EPHA6: variants seen among roughly 807,000 people sequenced by gnomAD.
EPHA6 encodes EPH receptor A6.
EPHA6 carries 50 observed loss-of-function variants against 112.0 expected under a neutral mutation model. That is an observed-to-expected ratio of 0.45 (90% CI 0.36 to 0.56). The LOEUF is 0.56. Among genes scored for constraint, EPHA6 ranks in the 20% least tolerant of loss-of-function variants. EPHA6 has a pLI of 0.00. For missense variants in EPHA6, 1,280 were observed against 1,417.4 expected (o/e 0.90, Z 1.56); for synonymous variants, 529 against 490.7 (o/e 1.08, Z -1.03).
intron 7 of EPHA6, among the ~76,000 whole-genome samples, chr3:97,449,892 C>G (rs2090467440): frequency 6.6e-6 from 1 of 152,044 alleles, no homozygotes; most frequent in South Asian, 2.1e-4. Flanking sequence ...GATTCTATGA[C>G]AGAAGGAATA....
At chr3:97,330,414 G>A (rs1045506821) in intron 5 of EPHA6, among the ~76,000 whole-genome samples, 1 of 152,070 alleles carries the variant, frequency 6.6e-6, no homozygotes, top group African/African-American at 2.4e-5. Flanking sequence ...TGGGCAATAT[G>A]GCCATTTTCA....
chr3:97,094,194 A>G (rs992715830), intron 3 of EPHA6, among the ~76,000 whole-genome samples: 8 of 152,104 alleles, frequency 5.3e-5, no homozygotes, highest in Admixed American at 6.6e-5. Flanking sequence ...TGTTATGTTG[A>G]TTATGTTATG....
At chr3:97,153,084 T>A (rs1023250210) in intron 3 of EPHA6, among the ~76,000 whole-genome samples, 1 of 152,060 alleles carries the variant, frequency 6.6e-6, no homozygotes, top group African/African-American at 2.4e-5. Flanking sequence ...AACTCCAGCA[T>A]ACAAAAAGAA....
At chr3:96,847,638 T>A (rs1256563524) in intron 1 of EPHA6, among the ~76,000 whole-genome samples, 1 of 152,154 alleles carries the variant, frequency 6.6e-6, no homozygotes, top group Admixed American at 6.6e-5. Flanking sequence ...TCTAGGGTTG[T>A]AATCTTTAAG....
intron 3 of EPHA6, among the ~76,000 whole-genome samples, chr3:97,120,947 A>G (rs970400850): frequency 7.2e-5 from 11 of 152,054 alleles, no homozygotes; most frequent in African/African-American, 2.7e-4. Flanking sequence ...ATATTAGATG[A>G]CAAATACTTC....
chr3:97,630,363 T>G (rs2093892561), intron 13 of EPHA6, among the ~76,000 whole-genome samples: 1 of 152,024 alleles, frequency 6.6e-6, no homozygotes, highest in Non-Finnish European at 1.5e-5. Flanking sequence ...AGGAGATAGT[T>G]ACTTATTTAT....
intron 6 of EPHA6, among the ~76,000 whole-genome samples, chr3:97,434,700 A>G (rs76980258): frequency 0.12 from 18,753 of 152,078 alleles, 3,708 homozygotes; most frequent in African/African-American, 0.41. Context: ...ATTCATAAAT[A>G]TTGTATCTCT....
At chr3:97,110,987 T>G (rs1321575614) in intron 3 of EPHA6, among the ~76,000 whole-genome samples, 1 of 152,162 alleles carries the variant, frequency 6.6e-6, no homozygotes, top group East Asian at 1.9e-4. Context: ...TATATCCTAG[T>G]GAAAGGCAAT....
At position 97,526,489 on chromosome 3, in the gene EPHA6, G is replaced by A. The variant is rs867981954; in HGVS notation, c.2201-5869G>A. Among the ~76,000 whole-genome samples, 506 of 152,256 alleles carry A rather than the reference G, an allele frequency of 3.3e-3. 3 individuals carry two copies. Among genetic ancestry groups the A allele is most frequent in the African/African-American group, 0.012 (481 of 41,562 alleles). On this transcript the variant is annotated intron_variant, in intron 10 of 17. Coordinates refer to ENST00000389672, the MANE Select transcript of EPHA6 (RefSeq NM_001080448.3). ...AAGCCTGACCCAGTGGCAGTGGGGGGGTGAGAACCCCAATAGATCCCTATG... is the reference window on the plus strand; with the variant it reads ...AAGCCTGACCCAGTGGCAGTGGGGGAGTGAGAACCCCAATAGATCCCTATG...
intron 14 of EPHA6, among the ~76,000 whole-genome samples, chr3:97,638,860 G>T (rs571054501): frequency 6.6e-6 from 1 of 152,002 alleles, no homozygotes; most frequent in Non-Finnish European, 1.5e-5. Context: ...CAGTTTCAAT[G>T]AAAAATAAGT....
Position 96,962,763 on chromosome 3 carries a change from G to A in EPHA6, c.451-24567G>A, listed in dbSNP as rs184123383. On this transcript the variant is annotated intron_variant, in intron 2 of 17. Transcript: ENST00000389672. Reference sequence around the variant, plus strand: ...CATACTTGTTTATTCACCTCTAAGTGCCCTTTGAATCCCATTTAGTAATTC... The same window carrying A: ...CATACTTGTTTATTCACCTCTAAGTACCCTTTGAATCCCATTTAGTAATTC... Among the ~76,000 whole-genome samples the A allele has an allele frequency of 1.7e-4, 26 of 151,826 alleles. No individual in the cohort carries two copies. In the Middle Eastern group the frequency reaches 0.01, roughly 60 times the overall value.
intron 11 of EPHA6, among the ~76,000 whole-genome samples, chr3:97,567,825 G>C (rs1253885662): frequency 6.6e-6 from 1 of 152,108 alleles, no homozygotes; most frequent in Non-Finnish European, 1.5e-5. Context: ...GCTATGCAAG[G>C]CCTCCTGGGA....
At chr3:97,022,987 C>A (rs1016451448) in intron 3 of EPHA6, among the ~76,000 whole-genome samples, 1 of 152,064 alleles carries the variant, frequency 6.6e-6, no homozygotes, top group African/African-American at 2.4e-5. Context: ...AGTTAATTAC[C>A]AGAATTCCTT....
intron 5 of EPHA6, among the ~76,000 whole-genome samples, chr3:97,339,507 TAAC>T (rs2083207474): frequency 6.6e-6 from 1 of 152,208 alleles, no homozygotes; most frequent in Non-Finnish European, 1.5e-5. Flanking sequence ...TGAAGTATTT[TAAC>T]AACGTGGGCT....
At chr3:97,704,172 G>A (rs2033551850) in intron 14 of EPHA6, among the ~76,000 whole-genome samples, 1 of 152,144 alleles carries the variant, frequency 6.6e-6, no homozygotes, top group South Asian at 2.1e-4. Flanking sequence ...TTAATTTTAT[G>A]TGTAAACTTG....
intron 12 of EPHA6, among the ~76,000 whole-genome samples, chr3:97,602,575 T>A (rs2093651487): frequency 6.6e-6 from 1 of 152,098 alleles, no homozygotes; most frequent in Admixed American, 6.6e-5. Context: ...TTGCTCACTG[T>A]GTGTCCTTAG....
At chr3:97,702,879 T>G (rs2033474576) in intron 14 of EPHA6, among the ~76,000 whole-genome samples, 1 of 152,190 alleles carries the variant, frequency 6.6e-6, no homozygotes, top group Non-Finnish European at 1.5e-5. Flanking sequence ...AAACCCAACT[T>G]GAACAGAGTT....
At position 97,043,615 on chromosome 3, in the gene EPHA6, C is replaced by T. The variant is rs577118058; in HGVS notation, c.1114+55622C>T. Among the ~76,000 whole-genome samples, 4 of 152,298 alleles carry T rather than the reference C, an allele frequency of 2.6e-5. No homozygotes were observed. The East Asian group carries it at 7.7e-4, about 29-fold the overall frequency. ...CTGGATCACTTCACTTCCACCCTCC[C>T]ACCCTGAGTGAGCTGCGTAATCTTT... On this transcript the variant is annotated intron_variant, in intron 3 of 17. Coordinates refer to ENST00000389672, the MANE Select transcript of EPHA6 (RefSeq NM_001080448.3).
intron 7 of EPHA6, among the ~76,000 whole-genome samples, chr3:97,467,093 C>G (rs2091081383): frequency 6.6e-6 from 1 of 151,804 alleles, no homozygotes; most frequent in African/African-American, 2.4e-5. Context: ...CAACTATGAT[C>G]TGCATCTCTA....
Sources: gnomAD v4.1 joint callset for allele counts (sites outside exome capture counted in the v4.1 genomes callset) on GRCh38, gnomAD v4.1.1 for gene constraint, MANE v1.5 for transcripts, NCBI Gene and HGNC (gene_info 2026-07-23, HGNC 2026-07-21) for gene names.